Variants in PLOD2 observed in about 807,000 individuals in gnomAD.
PLOD2 encodes the protein procollagen-lysine,2-oxoglutarate 5-dioxygenase 2.
A neutral mutation model predicts 101.0 loss-of-function variants in PLOD2; 65 were observed. The ratio of observed to expected loss-of-function variants is 0.64; its 90% CI spans 0.53 to 0.79. The LOEUF is 0.79. Among genes scored for constraint, PLOD2 ranks in the 30% least tolerant of loss-of-function variants. The pLI is 0.00. For synonymous variants in PLOD2, 314 were observed against 302.9 expected, an observed-to-expected ratio of 1.04 and a Z score of -0.38; for missense variants, 909 against 914.6, an observed-to-expected ratio of 0.99 and a Z score of 0.08.
chr3:146,128,302 G>A (rs2030702210), intron 1 of PLOD2, among the ~76,000 whole-genome samples: 2 of 151,994 alleles, frequency 1.3e-5, no homozygotes, highest in African/African-American at 2.4e-5. Flanking sequence ...CTTCGTTTCA[G>A]CAAGATACCT....
chr3:146,075,729 T>C (rs1403680184), intron 15 of PLOD2, among the ~76,000 whole-genome samples: 1 of 151,596 alleles, frequency 6.6e-6, no homozygotes, highest in Non-Finnish European at 1.5e-5. Flanking sequence ...GTAAACATGT[T>C]TCTAAAATTG....
chr3:146,121,957 C>G (rs2030189862), intron 2 of PLOD2, among the ~76,000 whole-genome samples: 2 of 152,170 alleles, frequency 1.3e-5, no homozygotes, highest in South Asian at 4.1e-4. Flanking sequence ...TCCCTTCCCC[C>G]ACACAACACA....
chr3:146,116,521 T>A (rs1937918116), intron 3 of PLOD2, among the ~76,000 whole-genome samples: 1 of 152,088 alleles, frequency 6.6e-6, no homozygotes, highest in Admixed American at 6.6e-5. Context: ...AGTATATCAA[T>A]GGGATACCTA....
chr3:146,129,294 T>G (rs1263649571), intron 1 of PLOD2, among the ~76,000 whole-genome samples: 1 of 152,166 alleles, frequency 6.6e-6, no homozygotes, highest in Admixed American at 6.5e-5. Flanking sequence ...ACAATTTGAT[T>G]TTTTCCTTAT....
chr3:146,079,419 G>A lies in PLOD2; in HGVS notation c.1359-162C>T, dbSNP rs73148928. Among the ~76,000 whole-genome samples, 454 of 151,842 alleles carry A rather than the reference G, an allele frequency of 3.0e-3. 2 individuals carry two copies. Among genetic ancestry groups the A allele is most frequent in the Non-Finnish European group, 5.0e-3 (338 of 67,826 alleles). On this transcript the variant is annotated intron_variant, in intron 12 of 19. Transcript: ENST00000282903. The stretch of plus-strand genomic sequence containing the variant: ...AATGATATATATATAAGATTACATT[G>A]TATACACTATATTTAATGAGATTTA...
intron 15 of PLOD2, chr3:146,076,525 C>A: frequency 1.7e-5 from 1 of 58,380 alleles, no homozygotes. Context: ...AATCTTCAAA[C>A]TGCTTTCCAA....
intron 1 of PLOD2, among the ~76,000 whole-genome samples, chr3:146,131,822 A>T (rs1294382149): frequency 2.0e-5 from 3 of 152,176 alleles, no homozygotes; most frequent in Non-Finnish European, 2.9e-5. Context: ...ACGAAGTCTA[A>T]TTTTATTTTG....
At chr3:146,133,930 T>A (rs1400765877) in intron 1 of PLOD2, among the ~76,000 whole-genome samples, 1 of 152,146 alleles carries the variant, frequency 6.6e-6, no homozygotes. Context: ...GTATAGCCCA[T>A]CTGTGGAAAA....
chr3:146,132,797 A>T (rs554212316), intron 1 of PLOD2, among the ~76,000 whole-genome samples: 1 of 152,330 alleles, frequency 6.6e-6, no homozygotes. Flanking sequence ...TTTTTAAAAC[A>T]TACAGATTAT....
intron 1 of PLOD2, among the ~76,000 whole-genome samples, chr3:146,125,931 T>C (rs2030535332): frequency 6.6e-6 from 1 of 152,146 alleles, no homozygotes; most frequent in Admixed American, 6.5e-5. Context: ...ATTACTCTAT[T>C]TAAAGTTACA....
At chr3:146,131,314 T>C (rs1363908004) in intron 1 of PLOD2, among the ~76,000 whole-genome samples, 5 of 152,208 alleles carry the variant, frequency 3.3e-5, no homozygotes, top group East Asian at 1.9e-4. Flanking sequence ...AGTACAACCA[T>C]ATGCTGAATC....
chr3:146,150,835 ATT>A (rs2032020960), intron 1 of PLOD2, among the ~76,000 whole-genome samples: 1 of 152,236 alleles, frequency 6.6e-6, no homozygotes, highest in Non-Finnish European at 1.5e-5. Flanking sequence ...AGCATACAAT[ATT>A]TAAATGTACT....
intron 7 of PLOD2, among the ~76,000 whole-genome samples, chr3:146,092,529 T>C (rs780655858): frequency 1.3e-5 from 2 of 152,066 alleles, no homozygotes; most frequent in Non-Finnish European, 2.9e-5. Flanking sequence ...CTAATAACAG[T>C]CATCTGACAA....
intron 1 of PLOD2, among the ~76,000 whole-genome samples, chr3:146,129,834 C>T (rs1016324107): frequency 3.3e-5 from 5 of 152,102 alleles, no homozygotes; most frequent in Non-Finnish European, 5.9e-5. Context: ...CTTTACATTC[C>T]TCTCCATCTC....
At chr3:146,093,694 C>T (rs1937055979) in intron 7 of PLOD2, among the ~76,000 whole-genome samples, 1 of 152,030 alleles carries the variant, frequency 6.6e-6, no homozygotes, top group Non-Finnish European at 1.5e-5. Context: ...TGTCTAAAAT[C>T]TCTATTATAT....
At chr3:146,112,928 A>G (rs1937714556) in intron 3 of PLOD2, among the ~76,000 whole-genome samples, 1 of 152,078 alleles carries the variant, frequency 6.6e-6, no homozygotes, top group Admixed American at 6.6e-5. Context: ...TACCTATGTA[A>G]CAAACCTGCA....
At chr3:146,083,586 T>G (rs13063652) in intron 11 of PLOD2, among the ~76,000 whole-genome samples, 1 of 137,244 alleles carries the variant, frequency 7.3e-6, no homozygotes, top group African/African-American at 2.7e-5. Context: ...TCTTTTTTTT[T>G]TTTTTTTTTT....
intron 1 of PLOD2, among the ~76,000 whole-genome samples, chr3:146,157,530 G>A (rs1266935881): frequency 6.6e-6 from 1 of 152,104 alleles, no homozygotes; most frequent in Non-Finnish European, 1.5e-5. Context: ...CAGGACATGC[G>A]GATTCTCAAT....
chr3:146,118,590 A>G (rs1480163744), intron 3 of PLOD2, among the ~76,000 whole-genome samples: 1 of 152,162 alleles, frequency 6.6e-6, no homozygotes, highest in East Asian at 1.9e-4. Flanking sequence ...TAAAATGAGC[A>G]ATCAATAACA....
Sources: allele counts gnomAD v4.1 joint callset (sites outside exome capture counted in the v4.1 genomes callset), GRCh38; gene constraint gnomAD v4.1.1; transcripts MANE v1.5; gene names NCBI Gene and HGNC (gene_info 2026-07-23, HGNC 2026-07-21).